The following COL25A1 variants were observed in gnomAD, a reference collection of about 807,000 sequenced individuals.
COL25A1 encodes collagen alpha-1(XXV) chain.
In COL25A1, 103 loss-of-function variants were observed where a neutral mutation model predicts 128.4. The ratio of observed to expected loss-of-function variants is 0.80; its 90% CI spans 0.68 to 0.94. The LOEUF is 0.94. COL25A1 is among the 40% of genes least tolerant of loss of function. COL25A1 has a pLI of 0.00. For missense variants in COL25A1, 745 were observed against 840.0 expected, an observed-to-expected ratio of 0.89 and a Z score of 1.40; for synonymous variants, 279 against 277.2, an observed-to-expected ratio of 1.01 and a Z score of -0.06.
chr4:109,238,434 T>C (rs1036218286), intron 3 of COL25A1, among the ~76,000 whole-genome samples: 10 of 152,050 alleles, frequency 6.6e-5, no homozygotes, highest in African/African-American at 2.2e-4. Context: ...CTCAAAGTTT[T>C]ATTATCTCTG....
At chr4:108,903,329 A>G (rs1239353083) in intron 13 of COL25A1, among the ~76,000 whole-genome samples, 1 of 151,944 alleles carries the variant, frequency 6.6e-6, no homozygotes, top group East Asian at 1.9e-4. Flanking sequence ...TTTGATATTT[A>G]TGGTTACATA....
chr4:109,236,077 T>C (rs1344201024), intron 3 of COL25A1, among the ~76,000 whole-genome samples: 1 of 151,988 alleles, frequency 6.6e-6, no homozygotes. Flanking sequence ...ATTCATAAAA[T>C]TAAGGATAAA....
chr4:108,921,592 G>A (rs1034521187), intron 11 of COL25A1, among the ~76,000 whole-genome samples: 3 of 152,016 alleles, frequency 2.0e-5, no homozygotes, highest in African/African-American at 7.2e-5. Flanking sequence ...TTCTCACTCT[G>A]TAACACTAAA....
At chr4:109,113,794 G>T (rs1477242492) in intron 3 of COL25A1, among the ~76,000 whole-genome samples, 1 of 151,996 alleles carries the variant, frequency 6.6e-6, no homozygotes, top group Non-Finnish European at 1.5e-5. Flanking sequence ...AACATATGTA[G>T]TACAAAAAGC....
intron 11 of COL25A1, among the ~76,000 whole-genome samples, chr4:108,929,059 C>T (rs1247865015): frequency 6.6e-6 from 1 of 152,132 alleles, no homozygotes; most frequent in African/African-American, 2.4e-5. Context: ...TTCTTCTAAA[C>T]CTTTTATATC....
intron 6 of COL25A1, 103 bp downstream of exon 6, chr4:109,010,255 T>TAAAA: frequency 1.1e-6 from 1 of 911,902 alleles, no homozygotes; most frequent in Non-Finnish European, 1.7e-6. Flanking sequence ...GTTGTGATTA[T>TAAAA]CAGTTCATAG....
At chr4:108,832,674 T>C in intron 31 of COL25A1, 2 of 395,268 alleles carry the variant, frequency 5.1e-6, no homozygotes, top group South Asian at 1.2e-4. Context: ...GCATATCATA[T>C]TTAATTATAT....
intron 24 of COL25A1, among the ~76,000 whole-genome samples, chr4:108,858,687 G>A (rs1178086712): frequency 6.6e-6 from 1 of 152,084 alleles, no homozygotes; most frequent in Non-Finnish European, 1.5e-5. Context: ...AGAATTGAGA[G>A]CCATAATGTG....
chr4:109,202,340 A>G (rs1437166509), intron 3 of COL25A1, among the ~76,000 whole-genome samples: 2 of 152,164 alleles, frequency 1.3e-5, no homozygotes, highest in Non-Finnish European at 2.9e-5. Flanking sequence ...ACAAATGAGC[A>G]ATGGCAACTC....
intron 19 of COL25A1, among the ~76,000 whole-genome samples, chr4:108,870,648 T>C (rs1578608797): frequency 6.6e-6 from 1 of 152,364 alleles, no homozygotes; most frequent in East Asian, 1.9e-4. Context: ...GCGATTATTC[T>C]ACTTCTAGTA....
intron 11 of COL25A1, among the ~76,000 whole-genome samples, chr4:108,935,771 G>A (rs1004932805): frequency 6.6e-6 from 1 of 152,176 alleles, no homozygotes; most frequent in Non-Finnish European, 1.5e-5. Context: ...GTAAGCAAAT[G>A]AGATTATATT....
At chr4:109,197,660 A>T (rs896681136) in intron 3 of COL25A1, among the ~76,000 whole-genome samples, 1 of 150,698 alleles carries the variant, frequency 6.6e-6, no homozygotes, top group Non-Finnish European at 1.5e-5. Flanking sequence ...CACTAACATT[A>T]TACAGGCTGT....
rs1304846564 is a variant in COL25A1, at chr4:108,812,485, T to A, written c.*1442A>T. 3 of 152,192 alleles carry A rather than the reference T, an allele frequency of 2.0e-5. No homozygotes were observed. The highest frequency in any genetic ancestry group is 4.4e-5 in the Non-Finnish European group (3 of 68,028). The allele number at this position is 152,192 out of a possible 1,614,324, so 9.4% of individuals were successfully genotyped here. ...CTTTCATGCTTTACAATGATTAGAC[T>A]GAAAGTGGAGCTTCTTTTATATTCT... On this transcript the variant is annotated 3_prime_UTR_variant, in exon 38 of 38. Coordinates refer to ENST00000399132, the MANE Select transcript of COL25A1 (RefSeq NM_198721.4).
At chr4:109,282,095 A>C (rs1475379399) in intron 3 of COL25A1, among the ~76,000 whole-genome samples, 1 of 152,214 alleles carries the variant, frequency 6.6e-6, no homozygotes, top group Non-Finnish European at 1.5e-5. Context: ...TGATTTGCAC[A>C]GTTAAATTAT....
At chr4:109,151,178 TTAA>T (rs1273329226) in intron 3 of COL25A1, among the ~76,000 whole-genome samples, 2 of 152,156 alleles carry the variant, frequency 1.3e-5, no homozygotes, top group African/African-American at 4.8e-5. Flanking sequence ...TTTAAAATGA[TTAA>T]TTTTATCTTA....
intron 32 of COL25A1, among the ~76,000 whole-genome samples, chr4:108,830,270 G>A (rs1183493144): frequency 6.6e-6 from 1 of 152,174 alleles, no homozygotes; most frequent in Non-Finnish European, 1.5e-5. Flanking sequence ...AGCTAAGGTA[G>A]GGAGGATCAG....
At chr4:109,135,024 CAAAAAA>C (rs574984369) in intron 3 of COL25A1, among the ~76,000 whole-genome samples, 1 of 100,732 alleles carries the variant, frequency 9.9e-6, no homozygotes, top group Non-Finnish European at 2.2e-5. Flanking sequence ...ACTTTTCTGT[CAAAAAA>C]AAAAAAAAAA....
At chr4:108,819,202 G>T in intron 36 of COL25A1, 50 bp downstream of exon 36, 1 of 1,391,184 alleles carries the variant, frequency 7.2e-7, no homozygotes, top group Non-Finnish European at 1.0e-6. Flanking sequence ...ATGAACATGT[G>T]ATAAACAAAG....
intron 3 of COL25A1, among the ~76,000 whole-genome samples, chr4:109,133,635 T>C (rs1272723920): frequency 6.6e-6 from 1 of 152,184 alleles, no homozygotes; most frequent in Non-Finnish European, 1.5e-5. Context: ...GTAAGATATA[T>C]AGCAGCAGGA....
Sources: allele counts gnomAD v4.1 joint callset (sites outside exome capture counted in the v4.1 genomes callset), GRCh38; gene constraint gnomAD v4.1.1; transcripts MANE v1.5; gene names NCBI Gene and HGNC (gene_info 2026-07-23, HGNC 2026-07-21).